CEACAM6: variants seen among roughly 807,000 people sequenced by gnomAD.
CEACAM6 encodes CEA cell adhesion molecule 6.
Under a neutral mutation model 32.4 loss-of-function variants are expected in CEACAM6, and 21 were observed. That is an observed-to-expected ratio of 0.65 (90% confidence interval 0.46 to 0.93). The LOEUF (loss-of-function observed/expected upper bound fraction) is 0.93, where lower values mean the gene tolerates loss of function less well. CEACAM6 is among the 40% of genes least tolerant of loss of function. CEACAM6 has a pLI of 0.00. For missense variants in CEACAM6, 406 were observed against 432.2 expected (o/e 0.94, Z 0.54); for synonymous variants, 184 against 174.4 (o/e 1.06, Z -0.43).
Position 41,755,552 on chromosome 19 carries a change from G to A in CEACAM6, c.-87G>A. ...AGCACAGAAGGAGGAAGGACAGCAG[G>A]GCCAACAGTCACAGCAGCCCTGACC... On this transcript the variant is annotated 5_prime_UTR_variant, in exon 1 of 6. Transcript: ENST00000199764. The A allele has an allele frequency of 7.8e-7, 1 of 1,283,048 alleles. No homozygotes were observed. 79.5% of individuals were successfully genotyped at this position (1,283,048 alleles called of 1,614,324 possible). A position where few individuals can be genotyped will look rare whatever the true frequency, so the allele number is the denominator to read the frequency against.
At chr19:41,760,182 A>C (rs367790976) in intron 2 of CEACAM6, among the ~76,000 whole-genome samples, 1 of 152,164 alleles carries the variant, frequency 6.6e-6, no homozygotes, top group African/African-American at 2.4e-5. Context: ...TGCCTCTCCC[A>C]ATCCCTGGCA....
chr19:41,766,386 G>A, intron 5 of CEACAM6, 87 bp downstream of exon 5: 1 of 584,526 alleles, frequency 1.7e-6, no homozygotes, highest in Non-Finnish European at 2.9e-6. Context: ...CCTGTATCTG[G>A]GACTGGATCT....
chr19:41,772,200 T>C lies in CEACAM6; in HGVS notation c.*1439T>C, dbSNP rs1481354443. The C allele has an allele frequency of 6.6e-6, 1 of 152,190 alleles. No homozygotes were observed. Among genetic ancestry groups the C allele is most frequent in the Non-Finnish European group, 1.5e-5 (1 of 68,036 alleles). The allele number at this position is 152,190 out of a possible 1,614,324, so 9.4% of individuals were successfully genotyped here. A position where few individuals can be genotyped will look rare whatever the true frequency, so the allele number is the denominator to read the frequency against. ...AAATCACAAATAAAAGCCAATTAGC[T>C]CTATAACTAAATTTGTTGTAATTCT... is the stretch of plus-strand genomic sequence containing the variant. On this transcript the variant is annotated 3_prime_UTR_variant, in exon 6 of 6. Coordinates refer to ENST00000199764, the MANE Select transcript of CEACAM6 (RefSeq NM_002483.7).
chr19:41,755,735 G>C, intron 1 of CEACAM6, 33 bp downstream of exon 1: 2 of 1,568,566 alleles, frequency 1.3e-6, no homozygotes, highest in Non-Finnish European at 1.7e-6. Context: ...GTGGATGGGA[G>C]GAGGGAGCAC....
rs143238640 is a variant in CEACAM6 at position 41,766,218 on chromosome 19, G to T, written c.994G>T (p.Gly332Cys). The stretch of plus-strand genomic sequence containing the variant: ...TGTCCTCTCAGCTGTGGCCACCGTC[G>T]GCATCACGATTGGAGTGCTGGCCAG... ...APVLSAVATV[G>C]ITIGVLARVA... The change falls in exon 5 of 6, where the codon GGC becomes TGC. Residue 332 changes from glycine to cysteine, a missense_variant. Physicochemically the swap from Gly to Cys is radical, Grantham distance 159. Transcript: ENST00000199764. The T allele has an allele frequency of 6.2e-7, 1 of 1,607,130 alleles. No homozygotes were observed. Among genetic ancestry groups the T allele is most frequent in the South Asian group, 1.1e-5 (1 of 89,662 alleles).
At chr19:41,766,991 G>A (rs564751405) in intron 5 of CEACAM6, among the ~76,000 whole-genome samples, 125 of 125,632 alleles carry the variant, frequency 9.9e-4, no homozygotes, top group African/African-American at 3.7e-3. Flanking sequence ...GGGCGACAGT[G>A]CAAGACTCCG....
At chr19:41,763,488 A>C (rs895895288) in intron 4 of CEACAM6, among the ~76,000 whole-genome samples, 2 of 152,258 alleles carry the variant, frequency 1.3e-5, no homozygotes, top group Non-Finnish European at 2.9e-5. Flanking sequence ...GCAGTCAGCC[A>C]GTCAGGGAAG....
intron 5 of CEACAM6, among the ~76,000 whole-genome samples, chr19:41,768,759 C>T (rs1397641463): frequency 7.2e-6 from 1 of 139,588 alleles, no homozygotes; most frequent in Non-Finnish European, 1.6e-5. Flanking sequence ...CCGGACGGGG[C>T]GGCTGGCCGG....
chr19:41,765,604 G>A (rs1204227293), intron 4 of CEACAM6, among the ~76,000 whole-genome samples: 1 of 152,222 alleles, frequency 6.6e-6, no homozygotes, highest in Non-Finnish European at 1.5e-5. Flanking sequence ...TCCTGAGAAG[G>A]AGAAAGAGAA....
At chr19:41,765,450 A>G (rs1555822313) in intron 4 of CEACAM6, among the ~76,000 whole-genome samples, 1 of 152,204 alleles carries the variant, frequency 6.6e-6, no homozygotes, top group African/African-American at 2.4e-5. Flanking sequence ...CAAGCCTGGT[A>G]TGTTAGCTTT....
intron 3 of CEACAM6, among the ~76,000 whole-genome samples, 160 bp downstream of exon 3, chr19:41,761,687 C>G (rs773280404): frequency 6.6e-6 from 1 of 152,134 alleles, no homozygotes; most frequent in Non-Finnish European, 1.5e-5. Context: ...CAGGCCTTGA[C>G]CAAGAATGGG....
At chr19:41,759,914 A>G (rs1555821613) in intron 2 of CEACAM6, among the ~76,000 whole-genome samples, 1 of 152,216 alleles carries the variant, frequency 6.6e-6, no homozygotes, top group South Asian at 2.1e-4. Flanking sequence ...TGACCACTAA[A>G]GTGATGCTGA....
In CEACAM6 at chr19:41,755,800, CT is replaced by C. The variant is rs1221281996; in HGVS notation, c.64+102del. ...CAAGGCTCTGAGAGGAGACAGAGGG[CT>C]TTTGTTGAAGCCTGAGGAAACAGAA... On this transcript the variant is annotated intron_variant, in intron 1 of 5. Transcript: ENST00000199764. 3.6e-5 allele frequency: 36 copies of C among 1,000,024 alleles called. No homozygotes were observed. The East Asian group carries it at 9.8e-4, about 27-fold the overall frequency. 61.9% of individuals were successfully genotyped at this position (1,000,024 alleles called of 1,614,324 possible).
intron 1 of CEACAM6, 35 bp from the exon 2 acceptor site, chr19:41,756,565 C>T: frequency 6.3e-7 from 1 of 1,597,650 alleles, no homozygotes; most frequent in African/African-American, 1.3e-5. Flanking sequence ...ATGCATAGGT[C>T]CCAATATTGA....
chr19:41,762,244 C>G (rs139065651), intron 4 of CEACAM6, 21 bp downstream of exon 4: 1 of 1,604,552 alleles, frequency 6.2e-7, no homozygotes, highest in Admixed American at 1.7e-5. Flanking sequence ...CCATGAAGCA[C>G]TAGCATCACA....
chr19:41,760,416 C>T (rs1435395387), intron 2 of CEACAM6, among the ~76,000 whole-genome samples: 5 of 152,226 alleles, frequency 3.3e-5, no homozygotes, highest in African/African-American at 1.2e-4. Context: ...CTTTCCACCA[C>T]TCAGCTGTGC....
In CEACAM6 at chr19:41,771,148, AT is replaced by A. The variant is rs1268464622; in HGVS notation, c.*389del. 3 of 152,206 alleles carry A rather than the reference AT, an allele frequency of 2.0e-5. No homozygotes were observed. Among genetic ancestry groups the A allele is most frequent in the Non-Finnish European group, 2.9e-5 (2 of 68,042 alleles). 9.4% of individuals were successfully genotyped at this position (152,206 alleles called of 1,614,324 possible). A position where few individuals can be genotyped will look rare whatever the true frequency, so the allele number is the denominator to read the frequency against. On this transcript the variant is annotated 3_prime_UTR_variant, in exon 6 of 6. Transcript: ENST00000199764. Reference sequence around the variant, plus strand: ...TTTCGCTTGGCAGGATGATGCTGTCATTAGTATTTCACAAGAAGTAGCTTCA... The same window carrying A: ...TTTCGCTTGGCAGGATGATGCTGTCATAGTATTTCACAAGAAGTAGCTTCA...
At chr19:41,765,447 G>A (rs186030700) in intron 4 of CEACAM6, among the ~76,000 whole-genome samples, 3 of 152,230 alleles carry the variant, frequency 2.0e-5, no homozygotes, top group Admixed American at 6.5e-5. Context: ...AATCAAGCCT[G>A]GTATGTTAGC....
chr19:41,761,849 G>C (rs1428584173), intron 3 of CEACAM6, 120 bp from the exon 4 acceptor site: 2 of 1,298,850 alleles, frequency 1.5e-6, no homozygotes, highest in African/African-American at 1.5e-5. Flanking sequence ...CATAGCGGGG[G>C]TTTGGTTGAG....
Sources: gnomAD v4.1 joint callset for allele counts (sites outside exome capture counted in the v4.1 genomes callset) on GRCh38, gnomAD v4.1.1 for gene constraint, MANE v1.5 for transcripts, NCBI Gene and HGNC (gene_info 2026-07-23, HGNC 2026-07-21) for gene names.